The following PLCL1 variants were observed in gnomAD, a reference collection of about 807,000 sequenced individuals.
PLCL1 encodes the protein phospholipase C like 1 (inactive).
A neutral mutation model predicts 84.4 loss-of-function variants in PLCL1; 41 were observed. The observed-to-expected ratio is 0.49, with a 90% CI of 0.38 to 0.63. The LOEUF is 0.63. Among genes scored for constraint, PLCL1 ranks in the 30% least tolerant of loss-of-function variants. The pLI, the probability that PLCL1 is intolerant of heterozygous loss-of-function variation, is 0.00. For missense variants in PLCL1, 1,206 were observed against 1,367.8 expected (o/e 0.88, Z 1.87); for synonymous variants, 490 against 488.3 (o/e 1.00, Z -0.05).
intron 1 of PLCL1, among the ~76,000 whole-genome samples, chr2:197,870,330 C>T (rs1353570634): frequency 6.6e-6 from 1 of 152,104 alleles, no homozygotes; most frequent in African/African-American, 2.4e-5. Context: ...GCTCCAAACC[C>T]TTATCTAGTC....
chr2:197,918,943 T>TCC (rs1688650841), intron 1 of PLCL1, among the ~76,000 whole-genome samples: 1 of 129,394 alleles, frequency 7.7e-6, no homozygotes, highest in African/African-American at 2.6e-5. Flanking sequence ...CCTGTCTCTC[T>TCC]CTCTCTCTCT....
intron 1 of PLCL1, among the ~76,000 whole-genome samples, chr2:198,079,247 T>A (rs1692652086): frequency 6.6e-6 from 1 of 151,600 alleles, no homozygotes; most frequent in Admixed American, 6.6e-5. Flanking sequence ...TTGTTTCCAA[T>A]TTTAGTTTAA....
At position 198,024,658 on chromosome 2, in the gene PLCL1, G is replaced by A. The variant is rs189875180; in HGVS notation, c.241-59100G>A. On this transcript the variant is annotated intron_variant, in intron 1 of 5. Transcript: ENST00000428675. The stretch of plus-strand genomic sequence containing the variant: ...CATGCCTGTGATCCCTGCTACTCCA[G>A]AGGCTAAGGCAAGAGAATCGCATGA... Among the ~76,000 whole-genome samples, 731 of 152,052 alleles carry A rather than the reference G, an allele frequency of 4.8e-3. 4 individuals carry two copies. The highest frequency in any genetic ancestry group is 6.7e-3 in the Admixed American group (102 of 15,286).
intron 1 of PLCL1, among the ~76,000 whole-genome samples, chr2:198,014,210 C>CGACA (rs1263724411): frequency 6.6e-6 from 1 of 152,090 alleles, no homozygotes; most frequent in Non-Finnish European, 1.5e-5. Flanking sequence ...AATTCTCTGG[C>CGACA]TGTCTTAGGT....
In PLCL1 at chr2:197,901,985, A is replaced by G. The variant is rs190590847; in HGVS notation, c.240+96646A>G. Among the ~76,000 whole-genome samples the G allele has an allele frequency of 7.8e-4, 119 of 152,328 alleles. 1 individual carries two copies. The highest frequency in any genetic ancestry group is 2.7e-3 in the African/African-American group (114 of 41,574). On this transcript the variant is annotated intron_variant, in intron 1 of 5. Transcript: ENST00000428675. Reference sequence around the variant, plus strand: ...CTTATCAAACAAGTAACTTTGATCTATGCACATGAAATGCAGGCTAGAAAA... The same window carrying G: ...CTTATCAAACAAGTAACTTTGATCTGTGCACATGAAATGCAGGCTAGAAAA...
intron 1 of PLCL1, among the ~76,000 whole-genome samples, chr2:197,822,697 G>T (rs1323886885): frequency 6.6e-6 from 1 of 152,188 alleles, no homozygotes; most frequent in African/African-American, 2.4e-5. Flanking sequence ...GTTCTGATTT[G>T]TCAGTGTTTC....
At chr2:198,082,492 C>T (rs1194266923) in intron 1 of PLCL1, among the ~76,000 whole-genome samples, 5 of 152,020 alleles carry the variant, frequency 3.3e-5, no homozygotes, top group Non-Finnish European at 5.9e-5. Flanking sequence ...TTGCACTCTA[C>T]ATTTTGCTGA....
At chr2:198,146,720 A>G (rs911811605) in intron 5 of PLCL1, 60 bp from the exon 6 acceptor site, 1 of 1,400,988 alleles carries the variant, frequency 7.1e-7, no homozygotes, top group South Asian at 1.3e-5. Context: ...GAGTGATGTC[A>G]CTCAGCACAT....
chr2:198,058,156 G>A (rs184826673), intron 1 of PLCL1, among the ~76,000 whole-genome samples: 46 of 152,134 alleles, frequency 3.0e-4, no homozygotes, highest in African/African-American at 1.1e-3. Flanking sequence ...ATAAATAAAT[G>A]GCTGGAAAGA....
chr2:198,146,674 C>A, intron 5 of PLCL1, 106 bp from the exon 6 acceptor site: 1 of 877,230 alleles, frequency 1.1e-6, no homozygotes, highest in Non-Finnish European at 1.7e-6. Flanking sequence ...AGGTCTGGGT[C>A]TGTTTCCTTA....
intron 1 of PLCL1, among the ~76,000 whole-genome samples, chr2:197,867,776 C>T (rs972458589): frequency 1.3e-5 from 2 of 152,074 alleles, no homozygotes; most frequent in Non-Finnish European, 1.5e-5. Flanking sequence ...GGATTTCTAG[C>T]GTGGCTCACT....
intron 1 of PLCL1, among the ~76,000 whole-genome samples, chr2:197,932,609 A>G (rs1688960744): frequency 6.6e-6 from 1 of 152,132 alleles, no homozygotes. Context: ...TATAAGTGAG[A>G]ACATGCAGTG....
chr2:197,808,243 C>A (rs183397866), intron 1 of PLCL1, among the ~76,000 whole-genome samples: 51 of 152,238 alleles, frequency 3.4e-4, no homozygotes, highest in African/African-American at 1.2e-3. Context: ...TTATATACCA[C>A]AATAATGCAA....
chr2:197,946,792 A>G (rs1689283179), intron 1 of PLCL1, among the ~76,000 whole-genome samples: 2 of 152,144 alleles, frequency 1.3e-5, no homozygotes, highest in Non-Finnish European at 2.9e-5. Flanking sequence ...GCTAGCAATT[A>G]CTTCACATTC....
intron 1 of PLCL1, among the ~76,000 whole-genome samples, chr2:197,891,464 T>G (rs562625279): frequency 6.6e-6 from 1 of 152,262 alleles, no homozygotes; most frequent in East Asian, 1.9e-4. Context: ...TGACCTGCTC[T>G]TGACACTTTG....
At chr2:198,080,542 C>A (rs1210411607) in intron 1 of PLCL1, among the ~76,000 whole-genome samples, 1 of 152,200 alleles carries the variant, frequency 6.6e-6, no homozygotes, top group East Asian at 1.9e-4. Context: ...TCCTCCCAAC[C>A]TGTCAGAGCC....
intron 1 of PLCL1, among the ~76,000 whole-genome samples, chr2:197,885,216 A>G (rs1687897477): frequency 6.6e-6 from 1 of 152,192 alleles, no homozygotes; most frequent in South Asian, 2.1e-4. Flanking sequence ...ATTTTTAAGG[A>G]GATTTTATTA....
intron 1 of PLCL1, among the ~76,000 whole-genome samples, chr2:198,000,180 A>C (rs1366454074): frequency 1.3e-5 from 2 of 152,154 alleles, no homozygotes; most frequent in Non-Finnish European, 2.9e-5. Context: ...GGGAGGTTTC[A>C]GTTTTGGCCA....
At chr2:197,904,534 C>T (rs900732271) in intron 1 of PLCL1, among the ~76,000 whole-genome samples, 1 of 152,120 alleles carries the variant, frequency 6.6e-6, no homozygotes, top group Non-Finnish European at 1.5e-5. Context: ...CCCAGGAAGT[C>T]GGAGTAGGGT....
Sources: gnomAD v4.1 joint callset for allele counts (sites outside exome capture counted in the v4.1 genomes callset) on GRCh38, gnomAD v4.1.1 for gene constraint, MANE v1.5 for transcripts, NCBI Gene and HGNC (gene_info 2026-07-23, HGNC 2026-07-21) for gene names.